SMIM10L3: variants seen among roughly 807,000 people sequenced by gnomAD.
SMIM10L3 encodes small integral membrane protein 10 like 3.
At chr7:6,335,474 C>T in the SMIM10L3 span, among the ~76,000 whole-genome samples, 1 of 151,956 alleles carries the variant, frequency 6.6e-6, no homozygotes, top group Non-Finnish European at 1.5e-5. Context: ...GTGATCTGCC[C>T]GCCTCAGCCT....
At chr7:6,338,221 A>G in the SMIM10L3 span, among the ~76,000 whole-genome samples, 2 of 152,156 alleles carry the variant, frequency 1.3e-5, no homozygotes, top group African/African-American at 4.8e-5. Flanking sequence ...AATAACTTCT[A>G]AATAATTTCT....
chr7:6,337,684 G>A, the SMIM10L3 span, among the ~76,000 whole-genome samples: 1 of 151,178 alleles, frequency 6.6e-6, no homozygotes, highest in Non-Finnish European at 1.5e-5. Flanking sequence ...CATTTAATAA[G>A]GTAAACATGT....
chr7:6,332,221 G>A, the SMIM10L3 span, among the ~76,000 whole-genome samples: 1 of 151,954 alleles, frequency 6.6e-6, no homozygotes, highest in Non-Finnish European at 1.5e-5. Flanking sequence ...ATAGGGACCA[G>A]CACCTTCATT....
the SMIM10L3 span, among the ~76,000 whole-genome samples, chr7:6,337,794 A>ATTATTTAT: frequency 0.023 from 3,464 of 150,554 alleles, 238 homozygotes; most frequent in African/African-American, 0.082. Context: ...ATTTCAATAC[A>ATTATTTAT]TTATTTATTT....
the SMIM10L3 span, among the ~76,000 whole-genome samples, chr7:6,344,254 GGTAA>G: frequency 6.6e-6 from 1 of 152,016 alleles, no homozygotes; most frequent in Admixed American, 6.6e-5. Flanking sequence ...CTTCAAATCA[GGTAA>G]GTTAGTGTTT....
chr7:6,347,680 G>T, the SMIM10L3 span, among the ~76,000 whole-genome samples: 6 of 152,072 alleles, frequency 3.9e-5, no homozygotes, highest in South Asian at 1.0e-3. Context: ...TCACAACTCA[G>T]TTCCACCTCT....
At chr7:6,339,693 G>A in the SMIM10L3 span, among the ~76,000 whole-genome samples, 7 of 151,814 alleles carry the variant, frequency 4.6e-5, no homozygotes, top group South Asian at 1.0e-3. Flanking sequence ...CCATGGTCTC[G>A]ATCTCCTGAC....
the SMIM10L3 span, chr7:6,330,479 C>G: frequency 1.9e-6 from 3 of 1,614,158 alleles, no homozygotes; most frequent in Non-Finnish European, 2.5e-6. Flanking sequence ...TTCTTGAATT[C>G]TATTGTTTGC....
the SMIM10L3 span, among the ~76,000 whole-genome samples, chr7:6,332,862 G>C: frequency 6.6e-6 from 1 of 151,966 alleles, no homozygotes; most frequent in Non-Finnish European, 1.5e-5. Context: ...ACCGCATTAA[G>C]ATTTGTTATA....
the SMIM10L3 span, chr7:6,329,650 A>G: frequency 6.1e-6 from 1 of 163,444 alleles, no homozygotes; most frequent in Non-Finnish European, 1.5e-5. Context: ...TTTAGGGTAC[A>G]GGATACTGCA....
chr7:6,340,136 C>G, the SMIM10L3 span, among the ~76,000 whole-genome samples: 3 of 152,130 alleles, frequency 2.0e-5, no homozygotes, highest in Non-Finnish European at 2.9e-5. Flanking sequence ...CCGCCCGCCT[C>G]GGCCTCCCAA....
At chr7:6,334,792 T>G in the SMIM10L3 span, among the ~76,000 whole-genome samples, 1 of 122,442 alleles carries the variant, frequency 8.2e-6, no homozygotes, top group Admixed American at 8.5e-5. Context: ...TATTTTGAAA[T>G]GGAGTTTCAC....
At chr7:6,331,338 A>T in the SMIM10L3 span, 1 of 647,086 alleles carries the variant, frequency 1.5e-6, no homozygotes, top group Non-Finnish European at 2.7e-6. Flanking sequence ...GATCTTTATG[A>T]CAGTCTCCAG....
the SMIM10L3 span, chr7:6,348,619 G>C: frequency 4.0e-6 from 2 of 494,048 alleles, no homozygotes; most frequent in Non-Finnish European, 7.3e-6. Flanking sequence ...GTAGAGGTAG[G>C]GGAAGTTGAT....
chr7:6,334,048 A>G, the SMIM10L3 span, among the ~76,000 whole-genome samples: 56,342 of 149,678 alleles, frequency 0.38, 11,705 homozygotes, highest in East Asian at 0.9. Flanking sequence ...GGGTTTCACC[A>G]TGTTAGCCAG....
the SMIM10L3 span, among the ~76,000 whole-genome samples, chr7:6,345,037 C>G: frequency 1.3e-5 from 2 of 152,088 alleles, no homozygotes; most frequent in Admixed American, 1.3e-4. Context: ...TCCCACCACG[C>G]CCGGCCACTG....
the SMIM10L3 span, among the ~76,000 whole-genome samples, chr7:6,346,667 G>C: frequency 6.6e-6 from 1 of 152,156 alleles, no homozygotes; most frequent in East Asian, 1.9e-4. Flanking sequence ...TTACAGGAGT[G>C]AGCTACTGTG....
At chr7:6,330,409 G>C in the SMIM10L3 span, 2 of 1,613,706 alleles carry the variant, frequency 1.2e-6, no homozygotes, top group East Asian at 2.2e-5. Flanking sequence ...TAATTCAAAA[G>C]GTTGCAGAGC....
At chr7:6,333,896 G>C in the SMIM10L3 span, among the ~76,000 whole-genome samples, 1 of 144,204 alleles carries the variant, frequency 6.9e-6, no homozygotes, top group Non-Finnish European at 1.5e-5. Flanking sequence ...GCCCAGGCTG[G>C]AGTGCAGTGG....
Sources: allele counts gnomAD v4.1 joint callset (sites outside exome capture counted in the v4.1 genomes callset), GRCh38; gene constraint gnomAD v4.1.1; transcripts MANE v1.5; gene names NCBI Gene and HGNC (gene_info 2026-07-23, HGNC 2026-07-21).